The following TNFRSF19 variants were observed in gnomAD, a reference collection of about 807,000 sequenced individuals.
The protein encoded by TNFRSF19 is TNF receptor superfamily member 19, also known as tumor necrosis factor receptor superfamily member 19.
TNFRSF19 carries 27 observed loss-of-function variants against 46.4 expected under a neutral mutation model. The observed-to-expected ratio is 0.58, with a 90% CI of 0.43 to 0.80. TNFRSF19 has a LOEUF of 0.80. Ranked by LOEUF, TNFRSF19 falls within the 30% of genes least tolerant of loss-of-function variation. The pLI is 0.00. For missense variants in TNFRSF19, 511 were observed against 530.8 expected (o/e 0.96, Z 0.37); for synonymous variants, 204 against 205.0 (o/e 1.00, Z 0.04).
intron 2 of TNFRSF19, among the ~76,000 whole-genome samples, chr13:23,591,728 CTT>C (rs1238199379): frequency 6.8e-5 from 7 of 103,646 alleles, no homozygotes; most frequent in Admixed American, 9.7e-5. Flanking sequence ...TTCTTTCTTT[CTT>C]TTTTTTTTTT....
intron 5 of TNFRSF19, among the ~76,000 whole-genome samples, chr13:23,638,838 C>T (rs1207573502): frequency 6.6e-6 from 1 of 152,168 alleles, no homozygotes; most frequent in Non-Finnish European, 1.5e-5. Flanking sequence ...CCCTGGGCTG[C>T]CGGGTGCCCT....
intron 3 of TNFRSF19, among the ~76,000 whole-genome samples, chr13:23,614,453 G>A (rs1461907053): frequency 6.6e-6 from 1 of 152,110 alleles, no homozygotes; most frequent in African/African-American, 2.4e-5. Flanking sequence ...ATTAAAATAT[G>A]TAAATTTTAC....
chr13:23,669,043 G>C lies in TNFRSF19; in HGVS notation c.1191G>C (p.Gln397His), dbSNP rs1951705958. Reference sequence around the variant, plus strand: ...AGGATGCACTAACTATGAGAAGCCAGCTAGATCAGGAGAGTGGTGCTGTCA... The same window carrying C: ...AGGATGCACTAACTATGAGAAGCCACCTAGATCAGGAGAGTGGTGCTGTCA... ...STQDALTMRS[Q>H]LDQESGAVIH... is the part of the protein sequence containing the mutation. The change falls in exon 9 of 10, where the codon CAG (glutamine) becomes CAC (histidine). Residue 397 changes from glutamine to histidine, a missense_variant. Coordinates refer to ENST00000248484, the MANE Select transcript of TNFRSF19 (RefSeq NM_148957.4). 6.2e-7 allele frequency: 1 copy of C among 1,614,208 alleles called. No homozygotes were observed. Among genetic ancestry groups the C allele is most frequent in the Admixed American group, 1.7e-5 (1 of 60,028 alleles).
chr13:23,582,882 A>G (rs1331727493), intron 1 of TNFRSF19, among the ~76,000 whole-genome samples: 1 of 152,226 alleles, frequency 6.6e-6, no homozygotes, highest in African/African-American at 2.4e-5. Context: ...CATCCACATT[A>G]TTACAGGTAT....
At chr13:23,658,415 T>C (rs1230215057) in intron 5 of TNFRSF19, among the ~76,000 whole-genome samples, 1 of 152,200 alleles carries the variant, frequency 6.6e-6, no homozygotes, top group Admixed American at 6.5e-5. Context: ...CCCTCTAAAA[T>C]AAGATCTATT....
intron 3 of TNFRSF19, among the ~76,000 whole-genome samples, chr13:23,594,054 A>G (rs1879514562): frequency 6.6e-6 from 1 of 152,148 alleles, no homozygotes; most frequent in East Asian, 1.9e-4. Context: ...TGCCATGAGT[A>G]ATGGTGCACT....
In TNFRSF19 at chr13:23,606,159, A is replaced by G. The variant is rs372972698; in HGVS notation, c.181-9708A>G. On this transcript the variant is annotated intron_variant, in intron 3 of 9. Coordinates refer to ENST00000248484, the MANE Select transcript of TNFRSF19 (RefSeq NM_148957.4). ...CAGAAATACTCCATCTTCTGAGAAC[A>G]GTATCTGATAACAGGTGCTGTATTT... Among the ~76,000 whole-genome samples, 29 of 152,340 alleles carry G rather than the reference A, an allele frequency of 1.9e-4. 1 individual carries two copies. In the East Asian group the frequency reaches 5.0e-3, roughly 26 times the overall value.
At chr13:23,619,473 C>T (rs1006071752) in intron 4 of TNFRSF19, among the ~76,000 whole-genome samples, 2 of 151,594 alleles carry the variant, frequency 1.3e-5, no homozygotes, top group Non-Finnish European at 2.9e-5. Context: ...TTGTACAACT[C>T]TGTGAATGTA....
At chr13:23,593,870 C>T (rs1879502104) in intron 3 of TNFRSF19, among the ~76,000 whole-genome samples, 1 of 152,132 alleles carries the variant, frequency 6.6e-6, no homozygotes, top group Non-Finnish European at 1.5e-5. Flanking sequence ...GTGCAGAAGG[C>T]AGGTGTTTTC....
chr13:23,618,767 G>C (rs1881470657), intron 4 of TNFRSF19, among the ~76,000 whole-genome samples: 1 of 152,194 alleles, frequency 6.6e-6, no homozygotes, highest in Admixed American at 6.5e-5. Flanking sequence ...ACCAAGCTCT[G>C]GTTTGAATGT....
intron 4 of TNFRSF19, among the ~76,000 whole-genome samples, chr13:23,626,054 T>G (rs1317326553): frequency 6.6e-6 from 1 of 152,206 alleles, no homozygotes; most frequent in Non-Finnish European, 1.5e-5. Context: ...ATCAAGATTT[T>G]TAAGTTTTAC....
intron 2 of TNFRSF19, among the ~76,000 whole-genome samples, chr13:23,592,321 G>A (rs1879369796): frequency 6.6e-6 from 1 of 152,128 alleles, no homozygotes; most frequent in Non-Finnish European, 1.5e-5. Flanking sequence ...TTCTTGCTTA[G>A]GGTAAGGGGT....
At chr13:23,605,371 C>A (rs960545817) in intron 3 of TNFRSF19, among the ~76,000 whole-genome samples, 1 of 152,118 alleles carries the variant, frequency 6.6e-6, no homozygotes, top group Non-Finnish European at 1.5e-5. Flanking sequence ...AGTGGGAATG[C>A]AAAATGGTAC....
intron 4 of TNFRSF19, 46 bp from the exon 5 acceptor site, chr13:23,626,661 G>A (rs1218522072): frequency 1.3e-6 from 2 of 1,583,954 alleles, no homozygotes; most frequent in African/African-American, 1.3e-5. Flanking sequence ...ACAACTGTAA[G>A]CTTAGATGAA....
At chr13:23,627,891 A>G (rs1445215894) in intron 5 of TNFRSF19, among the ~76,000 whole-genome samples, 1 of 152,220 alleles carries the variant, frequency 6.6e-6, no homozygotes, top group Non-Finnish European at 1.5e-5. Flanking sequence ...ATTATTTTCT[A>G]TTCTTCATTT....
chr13:23,664,463 C>T (rs115317089), intron 7 of TNFRSF19, among the ~76,000 whole-genome samples: 2,458 of 152,268 alleles, frequency 0.016, 61 homozygotes, highest in African/African-American at 0.056. Context: ...CTTACCTCCT[C>T]TGCAAATTAA....
intron 3 of TNFRSF19, among the ~76,000 whole-genome samples, chr13:23,595,922 C>A (rs1317908653): frequency 6.6e-6 from 1 of 152,226 alleles, no homozygotes; most frequent in Non-Finnish European, 1.5e-5. Flanking sequence ...TCTGCAGAAA[C>A]CCTACAAGCC....
At chr13:23,656,239 C>T (rs1049040657) in intron 5 of TNFRSF19, among the ~76,000 whole-genome samples, 5 of 152,078 alleles carry the variant, frequency 3.3e-5, no homozygotes, top group Non-Finnish European at 7.4e-5. Context: ...ATTACTGTGG[C>T]AACTATATAT....
intron 7 of TNFRSF19, among the ~76,000 whole-genome samples, chr13:23,667,070 G>T (rs1951648628): frequency 6.7e-6 from 1 of 149,908 alleles, no homozygotes; most frequent in Non-Finnish European, 1.5e-5. Context: ...GTGTGTCTTT[G>T]TGTGTGTGTG....
Sources: gnomAD v4.1 joint callset for allele counts (sites outside exome capture counted in the v4.1 genomes callset) on GRCh38, gnomAD v4.1.1 for gene constraint, MANE v1.5 for transcripts, NCBI Gene and HGNC (gene_info 2026-07-23, HGNC 2026-07-21) for gene names.